The following KIRREL3 variants were observed in gnomAD, a reference collection of about 807,000 sequenced individuals.
KIRREL3 encodes the protein kirre like nephrin family adhesion molecule 3.
In KIRREL3, 36 loss-of-function variants were observed where a neutral mutation model predicts 89.7. The ratio of observed to expected loss-of-function variants is 0.40; its 90% CI spans 0.31 to 0.53. The LOEUF (loss-of-function observed/expected upper bound fraction) is 0.53, where lower values mean the gene tolerates loss of function less well. Ranked by LOEUF, KIRREL3 falls within the 20% of genes least tolerant of loss-of-function variation. The probability of loss-of-function intolerance (pLI) is 0.49; values close to 1 mark genes in which losing one functional copy is unlikely to be tolerated. For missense variants in KIRREL3, 864 were observed against 1,056.6 expected (o/e 0.82, Z 2.53); for synonymous variants, 445 against 441.4 (o/e 1.01, Z -0.10).
Position 126,762,192 on chromosome 11 carries a change from T to C in KIRREL3, c.56-199280A>G, listed in dbSNP as rs183026802. ...TGTCATAAATAAATAAATAAATAAA[T>C]AAACAAACAAACAAATAAATAAAGT... On this transcript the variant is annotated intron_variant, in intron 1 of 16. Transcript: ENST00000525144. Among the ~76,000 whole-genome samples the C allele has an allele frequency of 5.6e-4, 84 of 151,148 alleles. No homozygotes were observed. The South Asian group carries it at 0.012, about 22-fold the overall frequency.
intron 1 of KIRREL3, among the ~76,000 whole-genome samples, chr11:126,942,965 G>A (rs192572803): frequency 5.9e-5 from 9 of 152,326 alleles, no homozygotes; most frequent in Admixed American, 6.5e-5. Flanking sequence ...TATGTCAGGA[G>A]CTCTGATTTG....
At position 126,715,916 on chromosome 11, in the gene KIRREL3, C is replaced by A. The variant is rs1230015127; in HGVS notation, c.56-153004G>T. On this transcript the variant is annotated intron_variant, in intron 1 of 16. Coordinates refer to ENST00000525144, the MANE Select transcript of KIRREL3 (RefSeq NM_032531.4). This position sits in a 1 kb window ranked among gnomAD's most constrained non-coding sequence, Gnocchi z 4.4. The stretch of plus-strand genomic sequence containing the variant: ...GTTATTGACTAGTGGAAAAATGGCT[C>A]CTCTCTGACTTAGCACAGGATGCAA... 6.6e-6 allele frequency among the ~76,000 whole-genome samples: 1 copy of A among 152,234 alleles called. No homozygotes were observed. Among genetic ancestry groups the A allele is most frequent in the East Asian group, 1.9e-4 (1 of 5,164 alleles).
chr11:126,586,266 T>C (rs115386962), intron 1 of KIRREL3, among the ~76,000 whole-genome samples: 1,800 of 152,282 alleles, frequency 0.012, 38 homozygotes, highest in African/African-American at 0.04. Flanking sequence ...AACATAGAGC[T>C]AAAATCAATA....
chr11:126,900,066 G>T lies in KIRREL3; in HGVS notation c.55+100389C>A, dbSNP rs768490006. On this transcript the variant is annotated intron_variant, in intron 1 of 16. Coordinates refer to ENST00000525144, the MANE Select transcript of KIRREL3 (RefSeq NM_032531.4). The surrounding 1 kb of genome is among the most constrained non-coding windows in gnomAD (Gnocchi z 4.4). ...TGTTTTGTAAAAGGAATAGCTAGCT[G>T]GTGGGTCACTTCCTCTGCTCTCCAA... 2.6e-5 allele frequency among the ~76,000 whole-genome samples: 4 copies of T among 152,158 alleles called. No homozygotes were observed. Among genetic ancestry groups the T allele is most frequent in the Non-Finnish European group, 4.4e-5 (3 of 68,040 alleles).
chr11:126,496,819 G>A lies in KIRREL3; in HGVS notation c.434-23353C>T, dbSNP rs947965134. Among the ~76,000 whole-genome samples the A allele has an allele frequency of 4.6e-5, 7 of 152,148 alleles. No homozygotes were observed. Among genetic ancestry groups the A allele is most frequent in the African/African-American group, 1.2e-4 (5 of 41,428 alleles). ...GCTCAGCCAGGGGACTGAGACATAG[G>A]TCACAAATCTAGGAGACTTCTCTCT... is the stretch of plus-strand genomic sequence containing the variant. On this transcript the variant is annotated intron_variant, in intron 4 of 16. Coordinates refer to ENST00000525144, the MANE Select transcript of KIRREL3 (RefSeq NM_032531.4). The surrounding 1 kb of genome is among the most constrained non-coding windows in gnomAD (Gnocchi z 4.9).
intron 1 of KIRREL3, among the ~76,000 whole-genome samples, chr11:126,959,022 TA>T (rs1949004473): frequency 6.6e-6 from 1 of 151,760 alleles, no homozygotes; most frequent in Non-Finnish European, 1.5e-5. Context: ...AAGGCTTGAA[TA>T]AAAAAAAGAC....
chr11:126,913,726 A>G (rs1048002311), intron 1 of KIRREL3, among the ~76,000 whole-genome samples: 3 of 152,258 alleles, frequency 2.0e-5, no homozygotes, highest in Non-Finnish European at 2.9e-5. Flanking sequence ...AATGCCTTCC[A>G]TAAGAAAAAG....
intron 1 of KIRREL3, among the ~76,000 whole-genome samples, chr11:126,865,721 G>A (rs181350214): frequency 6.6e-6 from 1 of 152,340 alleles, no homozygotes; most frequent in Admixed American, 6.5e-5. Context: ...TGAATTTAAG[G>A]AATGAGAGCA....
Position 126,566,721 on chromosome 11 carries a change from T to C in KIRREL3, c.56-3809A>G, listed in dbSNP as rs776164546. Among the ~76,000 whole-genome samples the C allele has an allele frequency of 2.0e-5, 3 of 152,220 alleles. No homozygotes were observed. The highest frequency in any genetic ancestry group is 4.4e-5 in the Non-Finnish European group (3 of 68,026). On this transcript the variant is annotated intron_variant, in intron 1 of 16. Coordinates refer to ENST00000525144, the MANE Select transcript of KIRREL3 (RefSeq NM_032531.4). The surrounding 1 kb of genome is among the most constrained non-coding windows in gnomAD (Gnocchi z 4.9). ...CAGAGGGTGCAGATGGGATGTTTTC[T>C]AGCCTTAGAATTCCTTCATTCTTAC...
In KIRREL3 at chr11:126,976,039, A is replaced by G. The variant is rs1053307208; in HGVS notation, c.55+24416T>C. 3.3e-5 allele frequency among the ~76,000 whole-genome samples: 5 copies of G among 151,064 alleles called. No homozygotes were observed. In the East Asian group the frequency reaches 9.8e-4, roughly 30 times the overall value. ...TCTCAGGACAGAGCATACCCATTCC[A>G]GATGTGGGTCACATCAGCAGAGGGT... On this transcript the variant is annotated intron_variant, in intron 1 of 16. Transcript: ENST00000525144. This position sits in a 1 kb window ranked among gnomAD's most constrained non-coding sequence, Gnocchi z 4.2.
In KIRREL3 at chr11:126,807,415, C is replaced by A. The variant is rs1465343234; in HGVS notation, c.55+193040G>T. ...ACACATGTTCTAACCTGTATTTTGG[C>A]TTCTAGTGGTTGAGACCTCATTAGC... On this transcript the variant is annotated intron_variant, in intron 1 of 16. Coordinates refer to ENST00000525144, the MANE Select transcript of KIRREL3 (RefSeq NM_032531.4). This position sits in a 1 kb window ranked among gnomAD's most constrained non-coding sequence, Gnocchi z 4.3. 6.6e-6 allele frequency among the ~76,000 whole-genome samples: 1 copy of A among 152,184 alleles called. No homozygotes were observed. Among genetic ancestry groups the A allele is most frequent in the Non-Finnish European group, 1.5e-5 (1 of 68,032 alleles).
rs1246207295 is a variant in KIRREL3 at position 126,537,958 on chromosome 11, G to C, written c.134-11271C>G. On this transcript the variant is annotated intron_variant, in intron 2 of 16. Transcript: ENST00000525144. This position sits in a 1 kb window ranked among gnomAD's most constrained non-coding sequence, Gnocchi z 4.3. ...GTTGCACCCATTAGAATGCTGCATG[G>C]GTGGTGCAGGAGACAGTGGGTGAGC... Among the ~76,000 whole-genome samples, 1 of 152,176 alleles carries C rather than the reference G, an allele frequency of 6.6e-6. No homozygotes were observed. Among genetic ancestry groups the C allele is most frequent in the Non-Finnish European group, 1.5e-5 (1 of 68,038 alleles).
Position 126,778,165 on chromosome 11 carries a change from C to T in KIRREL3, c.56-215253G>A, listed in dbSNP as rs957695672. 2.6e-5 allele frequency among the ~76,000 whole-genome samples: 4 copies of T among 152,172 alleles called. No individual in the cohort carries two copies. The highest frequency in any genetic ancestry group is 4.8e-5 in the African/African-American group (2 of 41,440). On this transcript the variant is annotated intron_variant, in intron 1 of 16. Coordinates refer to ENST00000525144, the MANE Select transcript of KIRREL3 (RefSeq NM_032531.4). This position sits in a 1 kb window ranked among gnomAD's most constrained non-coding sequence, Gnocchi z 4.5. ...TTAACATTTCAGTGGATATCCTACACCCTTTCTAGGGTTGTATATTCATGA... is the reference window on the plus strand; with the variant it reads ...TTAACATTTCAGTGGATATCCTACATCCTTTCTAGGGTTGTATATTCATGA...
At chr11:126,777,028 C>T (rs904921163) in intron 1 of KIRREL3, among the ~76,000 whole-genome samples, 2 of 152,196 alleles carry the variant, frequency 1.3e-5, no homozygotes, top group African/African-American at 2.4e-5. Context: ...GAGAGAAACT[C>T]TCTCCTTTCC....
At position 126,525,724 on chromosome 11, in the gene KIRREL3, G is replaced by A. The variant is rs761993241; in HGVS notation, c.283+814C>T. On this transcript the variant is annotated intron_variant, in intron 3 of 16. Coordinates refer to ENST00000525144, the MANE Select transcript of KIRREL3 (RefSeq NM_032531.4). This position sits in a 1 kb window ranked among gnomAD's most constrained non-coding sequence, Gnocchi z 5.4. ...GGTCCCTGCTTGTGAATTTTACTGT[G>A]TACGCCAAGCCTAGCAAACAACCAC... 5.3e-4 allele frequency among the ~76,000 whole-genome samples: 81 copies of A among 152,278 alleles called. No individual in the cohort carries two copies. Among genetic ancestry groups the A allele is most frequent in the Middle Eastern group, 3.4e-3 (1 of 294 alleles).
At chr11:126,699,119 C>T (rs1947214923) in intron 1 of KIRREL3, among the ~76,000 whole-genome samples, 1 of 152,168 alleles carries the variant, frequency 6.6e-6, no homozygotes, top group Admixed American at 6.5e-5. Flanking sequence ...CCAATGCCCC[C>T]AAGAGGATCT....
rs1256542993 is a variant in KIRREL3, at chr11:126,443,449, A to G, written c.1252+1530T>C. On this transcript the variant is annotated intron_variant, in intron 10 of 16. Transcript: ENST00000525144. This position sits in a 1 kb window ranked among gnomAD's most constrained non-coding sequence, Gnocchi z 7.3. ...ATTTTTAGCCCTGCAGTGCCAATTT[A>G]TTGGTGGCATCCTGGGGACACTCAG... Among the ~76,000 whole-genome samples, 1 of 151,996 alleles carries G rather than the reference A, an allele frequency of 6.6e-6. No individual in the cohort carries two copies. Among genetic ancestry groups the G allele is most frequent in the Non-Finnish European group, 1.5e-5 (1 of 68,006 alleles).
rs1391020602 is a variant in KIRREL3, at chr11:126,454,551, C to G, written c.848+1798G>C. On this transcript the variant is annotated intron_variant, in intron 7 of 16. Coordinates refer to ENST00000525144, the MANE Select transcript of KIRREL3 (RefSeq NM_032531.4). The surrounding 1 kb of genome is among the most constrained non-coding windows in gnomAD (Gnocchi z 5.8). ...ACAGATATTTTCTGGGCATGTTGTA[C>G]CTGGTGTTTAGGGACCAGGAGCAGA... 6.6e-6 allele frequency among the ~76,000 whole-genome samples: 1 copy of G among 152,108 alleles called. No individual in the cohort carries two copies. The highest frequency in any genetic ancestry group is 2.4e-5 in the African/African-American group (1 of 41,386).
chr11:126,935,514 G>A (rs1405899415), intron 1 of KIRREL3: 1 of 152,132 alleles, frequency 6.6e-6, no homozygotes, highest in African/African-American at 2.4e-5. Flanking sequence ...ATAACCTGTG[G>A]TACATCCAGA....
Sources: allele counts gnomAD v4.1 joint callset (sites outside exome capture counted in the v4.1 genomes callset), GRCh38; gene constraint gnomAD v4.1.1; non-coding constraint Gnocchi (gnomAD v3.1); transcripts MANE v1.5; gene names NCBI Gene and HGNC (gene_info 2026-07-23, HGNC 2026-07-21).